The following CEP70 variants were observed in gnomAD, a reference collection of about 807,000 sequenced individuals.
CEP70 encodes centrosomal protein 70.
Under a neutral mutation model 90.9 loss-of-function variants are expected in CEP70, and 70 were observed. The observed-to-expected ratio is 0.77, with a 90% CI of 0.64 to 0.94. CEP70 has a LOEUF of 0.94. CEP70 is among the 40% of genes least tolerant of loss of function. The pLI, the probability that CEP70 is intolerant of heterozygous loss-of-function variation, is 0.00. For synonymous variants in CEP70, 220 were observed against 228.3 expected (o/e 0.96, Z 0.33); for missense variants, 648 against 669.0 (o/e 0.97, Z 0.35).
chr3:138,515,182 G>GTCC (rs1471669306), intron 11 of CEP70, among the ~76,000 whole-genome samples: 1 of 151,950 alleles, frequency 6.6e-6, no homozygotes, highest in Non-Finnish European at 1.5e-5. Context: ...CAGGGTCAGG[G>GTCC]TCCTGCAAGT....
chr3:138,571,211 T>G, intron 4 of CEP70, 54 bp from the exon 5 acceptor site: 1 of 1,557,488 alleles, frequency 6.4e-7, no homozygotes, highest in Non-Finnish European at 8.7e-7. Context: ...CAAAAAAAAT[T>G]TTTTAAGGAA....
chr3:138,571,279 T>C lies in CEP70; in HGVS notation c.147A>G (p.Arg49=), dbSNP rs1192609195. 1 of 1,608,446 alleles carries C rather than the reference T, an allele frequency of 6.2e-7. No individual in the cohort carries two copies. The highest frequency in any genetic ancestry group is 1.1e-5 in the South Asian group (1 of 89,948). ...HGLKPLSLVK[R]TDLKDLIIFD... ...GGATCTAATTACCTTTGAGATCTGT[T>C]CTTTTGACTAGAGACAAAGGTTTTA... Residue 49 remains arginine (R), a synonymous_variant, in exon 4 of 18, where the codon AGA becomes AGG. Coordinates refer to ENST00000264982, the MANE Select transcript of CEP70 (RefSeq NM_024491.4).
chr3:138,525,554 G>T lies in CEP70; in HGVS notation c.880C>A (p.His294Asn). The change falls in exon 11 of 18, where the codon CAT becomes AAT. Residue 294 changes from histidine to asparagine, a missense_variant. His to Asn is a moderately conservative substitution (Grantham distance 68, BLOSUM62 1). Transcript: ENST00000264982. ...QKDLETRPTQ[H>N]ELRLYKQQVK... ...TGCTGTTTATAAAGTCTTAATTCAT[G>T]CTGCGTAGGCCTGTGGAAAATAAAT... The T allele has an allele frequency of 7.2e-7, 1 of 1,389,572 alleles. No individual in the cohort carries two copies. Among genetic ancestry groups the T allele is most frequent in the Non-Finnish European group, 9.5e-7 (1 of 1,055,986 alleles). 86.1% of individuals were successfully genotyped at this position (1,389,572 alleles called of 1,614,324 possible).
intron 6 of CEP70, among the ~76,000 whole-genome samples, chr3:138,546,154 C>T (rs769803860): frequency 1.4e-4 from 21 of 152,090 alleles, no homozygotes; most frequent in Admixed American, 3.9e-4. Context: ...ATGTCATCCC[C>T]GGAGGCCCAG....
intron 6 of CEP70, among the ~76,000 whole-genome samples, chr3:138,544,537 A>ATGTATGTATG (rs1553853632): frequency 4.6e-4 from 68 of 149,180 alleles, no homozygotes; most frequent in Non-Finnish European, 8.1e-4. Context: ...GTATGTATGT[A>ATGTATGTATG]TGTGTGTGTG....
In CEP70 at chr3:138,518,044, C is replaced by A. The variant is rs112826402; in HGVS notation, c.944+7446G>T. Among the ~76,000 whole-genome samples, 884 of 152,328 alleles carry A rather than the reference C, an allele frequency of 5.8e-3. 6 individuals carry two copies. The highest frequency in any genetic ancestry group is 0.019 in the African/African-American group (799 of 41,574). On this transcript the variant is annotated intron_variant, in intron 11 of 17. Coordinates refer to ENST00000264982, the MANE Select transcript of CEP70 (RefSeq NM_024491.4). Reference sequence around the variant, plus strand: ...CACACCAGGAGATTATATCCCGCACCTGGCTTGGAGGGTCCTACGCCCATG... The same window carrying A: ...CACACCAGGAGATTATATCCCGCACATGGCTTGGAGGGTCCTACGCCCATG...
chr3:138,550,897 T>C (rs1011435231), intron 6 of CEP70, among the ~76,000 whole-genome samples: 2 of 152,176 alleles, frequency 1.3e-5, no homozygotes, highest in African/African-American at 2.4e-5. Context: ...AATCTAAGAA[T>C]AGTTGTCATG....
intron 11 of CEP70, among the ~76,000 whole-genome samples, chr3:138,523,079 T>C (rs557227193): frequency 6.6e-6 from 1 of 152,162 alleles, no homozygotes; most frequent in East Asian, 1.9e-4. Context: ...CATACACAAA[T>C]CAATAAATGT....
chr3:138,509,370 C>T (rs2035308768), intron 11 of CEP70, among the ~76,000 whole-genome samples: 1 of 152,284 alleles, frequency 6.6e-6, no homozygotes, highest in South Asian at 2.1e-4. Flanking sequence ...AATGGCAATG[C>T]CTGGGCCAGT....
intron 6 of CEP70, among the ~76,000 whole-genome samples, chr3:138,554,645 T>C (rs4432674): frequency 0.61 from 91,983 of 151,996 alleles, 28,443 homozygotes; most frequent in East Asian, 0.94. Flanking sequence ...TTAATGTACA[T>C]AAATCAGTAT....
At chr3:138,496,691 G>A in intron 17 of CEP70, 1 of 985,250 alleles carries the variant, frequency 1.0e-6, no homozygotes, top group Non-Finnish European at 1.2e-6. Flanking sequence ...TACATGCTTA[G>A]TGACACCTAT....
At chr3:138,547,354 T>C (rs1197919296) in intron 6 of CEP70, among the ~76,000 whole-genome samples, 2 of 152,256 alleles carry the variant, frequency 1.3e-5, no homozygotes, top group African/African-American at 2.4e-5. Flanking sequence ...AATTGGAACA[T>C]ACGAGTTTCT....
At chr3:138,509,870 G>T (rs951127405) in intron 11 of CEP70, among the ~76,000 whole-genome samples, 1 of 151,810 alleles carries the variant, frequency 6.6e-6, no homozygotes, top group African/African-American at 2.4e-5. Flanking sequence ...ATCAACTGTT[G>T]GGTACCACAG....
chr3:138,518,144 C>T (rs954310593), intron 11 of CEP70, among the ~76,000 whole-genome samples: 16 of 152,300 alleles, frequency 1.1e-4, no homozygotes, highest in African/African-American at 2.9e-4. Context: ...GAGGGGCGCC[C>T]GACATTGCTG....
At position 138,515,039 on chromosome 3, in the gene CEP70, G is replaced by A. The variant is rs73864589; in HGVS notation, c.945-6495C>T. Among the ~76,000 whole-genome samples the A allele has an allele frequency of 4.5e-3, 683 of 152,102 alleles. 2 individuals are homozygous for A. The highest frequency in any genetic ancestry group is 0.016 in the African/African-American group (654 of 41,474). ...AATAATAAAAGTCACTCGAAAGACC[G>A]GAGCCCAAATAAACAACAACAAGAA... On this transcript the variant is annotated intron_variant, in intron 11 of 17. Coordinates refer to ENST00000264982, the MANE Select transcript of CEP70 (RefSeq NM_024491.4).
At chr3:138,531,226 T>C (rs1416864865) in intron 8 of CEP70, among the ~76,000 whole-genome samples, 1 of 152,136 alleles carries the variant, frequency 6.6e-6, no homozygotes, top group African/African-American at 2.4e-5. Flanking sequence ...ACCACTCCAA[T>C]GGCCTCAATC....
At chr3:138,573,283 G>A (rs1256431433) in intron 2 of CEP70, among the ~76,000 whole-genome samples, 1 of 151,782 alleles carries the variant, frequency 6.6e-6, no homozygotes, top group Non-Finnish European at 1.5e-5. Flanking sequence ...AGTAGAAGGA[G>A]CATTTGAAGA....
At chr3:138,519,819 T>A (rs971586621) in intron 11 of CEP70, among the ~76,000 whole-genome samples, 12 of 152,206 alleles carry the variant, frequency 7.9e-5, no homozygotes, top group Non-Finnish European at 1.5e-4. Context: ...CAGGATCAAA[T>A]TCACACATAA....
At chr3:138,496,629 TACTC>T (rs1198539822) in intron 17 of CEP70, 1 of 985,288 alleles carries the variant, frequency 1.0e-6, no homozygotes, top group African/African-American at 1.7e-5. Flanking sequence ...ATTGTTTTTT[TACTC>T]ACTAAAGGTA....
Sources: allele counts gnomAD v4.1 joint callset (sites outside exome capture counted in the v4.1 genomes callset), GRCh38; gene constraint gnomAD v4.1.1; transcripts MANE v1.5; gene names NCBI Gene and HGNC (gene_info 2026-07-23, HGNC 2026-07-21).